Variants in CFAP74 observed in about 807,000 individuals in gnomAD.
CFAP74 encodes the protein cilia- and flagella-associated protein 74.
Under a neutral mutation model 188.9 loss-of-function variants are expected in CFAP74, and 124 were observed. The observed-to-expected ratio is 0.66, with a 90% CI of 0.57 to 0.76. CFAP74 has a LOEUF of 0.76. Among genes scored for constraint, CFAP74 ranks in the 30% least tolerant of loss-of-function variants. The probability of loss-of-function intolerance (pLI) is 0.00; values close to 1 mark genes in which losing one functional copy is unlikely to be tolerated. For synonymous variants in CFAP74, 956 were observed against 916.7 expected (o/e 1.04, Z -0.77); for missense variants, 2,198 against 2,165.2 (o/e 1.02, Z -0.30).
chr1:1,955,278 G>A (rs1654511081), intron 18 of CFAP74: 3 of 1,294,716 alleles, frequency 2.3e-6, no homozygotes, highest in African/African-American at 1.5e-5. Context: ...AGGAGGCATG[G>A]GGAGGGCAGG....
At chr1:1,970,188 T>C (rs975219976) in intron 10 of CFAP74, among the ~76,000 whole-genome samples, 14 of 152,024 alleles carry the variant, frequency 9.2e-5, no homozygotes, top group Non-Finnish European at 4.4e-5. Context: ...GGAGGTGGTC[T>C]GAGGGGCCAG....
chr1:1,931,629 T>G (rs1652386792), intron 25 of CFAP74, among the ~76,000 whole-genome samples: 1 of 146,256 alleles, frequency 6.8e-6, no homozygotes, highest in Non-Finnish European at 1.5e-5. Context: ...CCCAGCTATT[T>G]GGGAGGCTGA....
chr1:1,937,380 C>T (rs1444733064), intron 25 of CFAP74, among the ~76,000 whole-genome samples: 3 of 152,206 alleles, frequency 2.0e-5, no homozygotes, highest in Non-Finnish European at 4.4e-5. Flanking sequence ...TTCCACAGGA[C>T]AAACGCACCT....
intron 25 of CFAP74, among the ~76,000 whole-genome samples, chr1:1,934,664 C>CAGGTGTGT (rs1652713823): frequency 7.2e-6 from 1 of 139,570 alleles, no homozygotes; most frequent in African/African-American, 2.7e-5. Flanking sequence ...TGTAGGTACA[C>CAGGTGTGT]ACGTGTGTAC....
At chr1:1,927,553 T>C in intron 28 of CFAP74, 54 bp downstream of exon 28, 1 of 1,506,774 alleles carries the variant, frequency 6.6e-7, no homozygotes, top group Non-Finnish European at 8.9e-7. Context: ...CCACAGTGGG[T>C]CCCACCAGAG....
intron 25 of CFAP74, among the ~76,000 whole-genome samples, chr1:1,936,861 G>T (rs1652931714): frequency 6.7e-6 from 1 of 150,232 alleles, no homozygotes; most frequent in Admixed American, 6.7e-5. Context: ...AGCCGTGATT[G>T]CACCCCTTGC....
chr1:1,934,840 C>T (rs78626845), intron 25 of CFAP74, among the ~76,000 whole-genome samples: 5 of 137,782 alleles, frequency 3.6e-5, no homozygotes, highest in African/African-American at 8.4e-5. Context: ...TACGTGTGTA[C>T]GTGGGTGTTA....
At chr1:1,991,779 C>T (rs1313381637) in intron 1 of CFAP74, among the ~76,000 whole-genome samples, 4 of 152,130 alleles carry the variant, frequency 2.6e-5, no homozygotes, top group South Asian at 2.1e-4. Context: ...GTGGCTCACA[C>T]CTGTAATCCC....
At chr1:1,952,813 C>T (rs537851457) in intron 18 of CFAP74, among the ~76,000 whole-genome samples, 2 of 135,492 alleles carry the variant, frequency 1.5e-5, no homozygotes, top group East Asian at 2.3e-4. Flanking sequence ...CATCACCACA[C>T]CTGGCTAATT....
At chr1:1,959,850 C>T in intron 15 of CFAP74, 114 bp downstream of exon 15, 2 of 853,670 alleles carry the variant, frequency 2.3e-6, no homozygotes, top group South Asian at 1.9e-5. Context: ...GCGTGATCCT[C>T]ACTGAGAGGC....
chr1:2,002,485 A>G (rs1449420708), intron 1 of CFAP74, among the ~76,000 whole-genome samples: 1 of 151,488 alleles, frequency 6.6e-6, no homozygotes, highest in Non-Finnish European at 1.5e-5. Context: ...GTTCAAGACC[A>G]TCCTGGCCAA....
At chr1:1,928,968 C>A in intron 26 of CFAP74, 86 bp from the exon 27 acceptor site, 2 of 854,628 alleles carry the variant, frequency 2.3e-6, no homozygotes, top group Non-Finnish European at 3.6e-6. Flanking sequence ...GTCCTCTGCC[C>A]GTGGACTCCC....
At position 1,970,697 on chromosome 1, in the gene CFAP74, G is replaced by A. The variant is rs776480386; in HGVS notation, c.1008C>T (p.Val336=). 7 of 1,613,556 alleles carry A rather than the reference G, an allele frequency of 4.3e-6. No individual in the cohort carries two copies. ...AQGRDAFRHL[V]HQRRRQELEA... ...CCAGCTCCTGGCGCCGGCGCTGGTG[G>A]ACAAGGTGCCTGAATGCATCCCTGC... Residue 336 remains valine (V), a synonymous_variant, in exon 10 of 39, where the codon GTC becomes GTT. Transcript: ENST00000682832.
At position 1,985,465 on chromosome 1, in the gene CFAP74, C is replaced by T. The variant is rs201352560; in HGVS notation, c.421G>A (p.Val141Met). The change falls in exon 6 of 39, where the codon GTG becomes ATG. Residue 141 changes from valine (V) to methionine (M), a missense_variant. Coordinates refer to ENST00000682832, the MANE Select transcript of CFAP74 (RefSeq NM_001304360.2). Reference sequence around the variant, plus strand: ...AGCTCTGCAAACAGGCGTCTGGACACGGCCTGGAGGCGGCCCACAGCGGCC... The same window carrying T: ...AGCTCTGCAAACAGGCGTCTGGACATGGCCTGGAGGCGGCCCACAGCGGCC... The part of the protein sequence containing the change: ...NMAAVGRLQA[V>M]SRRLFAELEN... 48 of 1,613,934 alleles carry T rather than the reference C, an allele frequency of 3.0e-5. No individual in the cohort carries two copies. The highest frequency in any genetic ancestry group is 1.7e-4 in the Admixed American group (10 of 60,030).
Position 1,973,357 on chromosome 1 carries a change from G to A in CFAP74, c.675-310C>T, listed in dbSNP as rs893617922. 6.6e-6 allele frequency among the ~76,000 whole-genome samples: 1 copy of A among 152,162 alleles called. No homozygotes were observed. The highest frequency in any genetic ancestry group is 1.5e-5 in the Non-Finnish European group (1 of 68,032). On this transcript the variant is annotated intron_variant, in intron 7 of 38. Coordinates refer to ENST00000682832, the MANE Select transcript of CFAP74 (RefSeq NM_001304360.2). The surrounding 1 kb of genome is among the most constrained non-coding windows in gnomAD (Gnocchi z 6.2). ...GCACAGCAGTGCTGTGGGGAGGGAG[G>A]AGGCAGGGGCTGGGGACCTTGTGTC... is the stretch of plus-strand genomic sequence containing the variant.
chr1:1,955,935 C>T, intron 17 of CFAP74, 85 bp from the exon 18 acceptor site: 1 of 1,506,364 alleles, frequency 6.6e-7, no homozygotes, highest in Non-Finnish European at 8.8e-7. Flanking sequence ...TGAGGACAGG[C>T]CGTGTTGGGG....
In CFAP74 at chr1:1,923,273, C is replaced by A; in HGVS notation, c.4522+94G>T. 1.3e-6 allele frequency: 2 copies of A among 1,497,936 alleles called. No homozygotes were observed. Among genetic ancestry groups the A allele is most frequent in the South Asian group, 1.3e-5 (1 of 79,126 alleles). 92.8% of individuals were successfully genotyped at this position (1,497,936 alleles called of 1,614,324 possible). On this transcript the variant is annotated intron_variant, in intron 36 of 38. Coordinates refer to ENST00000682832, the MANE Select transcript of CFAP74 (RefSeq NM_001304360.2). This position sits in a 1 kb window ranked among gnomAD's most constrained non-coding sequence, Gnocchi z 6.3. Reference sequence around the variant, plus strand: ...GGCTCTGGGGTAGAAGGCTGGGAATCCCTGCCCTGCTCCGCTGGGTCTCGG... The same window carrying A: ...GGCTCTGGGGTAGAAGGCTGGGAATACCTGCCCTGCTCCGCTGGGTCTCGG...
intron 11 of CFAP74, among the ~76,000 whole-genome samples, 175 bp from the exon 12 acceptor site, chr1:1,966,701 T>C (rs544131089): frequency 1.3e-5 from 2 of 152,356 alleles, no homozygotes; most frequent in East Asian, 1.9e-4. Flanking sequence ...ACTTGAAATA[T>C]AAGTATTTTA....
chr1:1,999,962 A>C (rs4358986), intron 1 of CFAP74, among the ~76,000 whole-genome samples: 1 of 151,832 alleles, frequency 6.6e-6, no homozygotes, highest in Admixed American at 6.6e-5. Flanking sequence ...TCAGGAGATC[A>C]AGACCATCCT....
Sources: gnomAD v4.1 joint callset for allele counts (sites outside exome capture counted in the v4.1 genomes callset) on GRCh38, gnomAD v4.1.1 for gene constraint, Gnocchi (gnomAD v3.1) non-coding constraint, MANE v1.5 for transcripts, NCBI Gene and HGNC (gene_info 2026-07-23, HGNC 2026-07-21) for gene names.